SAMTOR: variants seen among roughly 807,000 people sequenced by gnomAD.
SAMTOR encodes UPF0532 protein C7orf60.
chr7:112,879,823 A>T, the SAMTOR span, among the ~76,000 whole-genome samples: 1 of 152,304 alleles, frequency 6.6e-6, no homozygotes, highest in South Asian at 2.1e-4. Context: ...TTTTAGCTTA[A>T]AACTCATTTG....
chr7:112,878,580 AAC>A, the SAMTOR span, among the ~76,000 whole-genome samples: 1 of 152,288 alleles, frequency 6.6e-6, no homozygotes, highest in East Asian at 1.9e-4. Flanking sequence ...TCTAAGGACA[AAC>A]AGGAAATTAT....
chr7:112,849,453 G>A, the SAMTOR span, among the ~76,000 whole-genome samples: 2 of 152,184 alleles, frequency 1.3e-5, no homozygotes, highest in Non-Finnish European at 2.9e-5. Context: ...TCCATGAAAT[G>A]AGGGGGTAGA....
chr7:112,851,686 C>T, the SAMTOR span, among the ~76,000 whole-genome samples: 368 of 152,154 alleles, frequency 2.4e-3, 1 homozygote, highest in Middle Eastern at 0.017. Context: ...TTCTGCACAG[C>T]AAAAGAAGTA....
At chr7:112,875,808 C>T in the SAMTOR span, among the ~76,000 whole-genome samples, 87 of 152,312 alleles carry the variant, frequency 5.7e-4, no homozygotes, top group East Asian at 9.1e-3. Flanking sequence ...TGAACTGTTA[C>T]GTTCACTGTG....
At chr7:112,875,110 G>C in the SAMTOR span, among the ~76,000 whole-genome samples, 1 of 152,156 alleles carries the variant, frequency 6.6e-6, no homozygotes, top group Non-Finnish European at 1.5e-5. Context: ...TCACCTGACT[G>C]CAAGATCCAA....
the SAMTOR span, among the ~76,000 whole-genome samples, chr7:112,937,611 G>A: frequency 6.6e-6 from 1 of 151,286 alleles, no homozygotes; most frequent in African/African-American, 2.4e-5. Context: ...ATGCTCATTA[G>A]GATCACTTAT....
the SAMTOR span, among the ~76,000 whole-genome samples, chr7:112,842,018 T>A: frequency 6.6e-6 from 1 of 152,058 alleles, no homozygotes; most frequent in Non-Finnish European, 1.5e-5. Context: ...ATACAAAGCC[T>A]TTATAGGTCT....
chr7:112,882,958 A>G, the SAMTOR span, among the ~76,000 whole-genome samples: 1 of 152,314 alleles, frequency 6.6e-6, no homozygotes, highest in African/African-American at 2.4e-5. Context: ...AGGATATTAA[A>G]AAATCACGTT....
the SAMTOR span, among the ~76,000 whole-genome samples, chr7:112,833,392 AT>A: frequency 6.6e-6 from 1 of 152,230 alleles, no homozygotes; most frequent in Non-Finnish European, 1.5e-5. Context: ...TACGGGGATA[AT>A]AGTGGTATTT....
At chr7:112,939,785 C>T in the SAMTOR span, 4 of 1,520,632 alleles carry the variant, frequency 2.6e-6, no homozygotes, top group Non-Finnish European at 2.7e-6. Context: ...GCCCCTCAGG[C>T]CCCCGCAGAC....
chr7:112,893,476 T>C, the SAMTOR span, among the ~76,000 whole-genome samples: 7 of 152,278 alleles, frequency 4.6e-5, no homozygotes, highest in South Asian at 2.1e-4. Context: ...TAGCCTTCAA[T>C]TGAAGAGAGT....
the SAMTOR span, among the ~76,000 whole-genome samples, chr7:112,848,709 T>C: frequency 6.6e-6 from 1 of 152,230 alleles, no homozygotes; most frequent in East Asian, 1.9e-4. Context: ...CAATCAGGTA[T>C]GGACTTTCCA....
the SAMTOR span, among the ~76,000 whole-genome samples, chr7:112,921,436 A>T: frequency 3.3e-5 from 5 of 151,722 alleles, no homozygotes; most frequent in East Asian, 9.7e-4. Flanking sequence ...CACCTTATAC[A>T]AAAATTAATT....
At chr7:112,909,405 A>C in the SAMTOR span, among the ~76,000 whole-genome samples, 3 of 152,224 alleles carry the variant, frequency 2.0e-5, no homozygotes, top group Non-Finnish European at 2.9e-5. Context: ...ATAAGGTTTG[A>C]CTTTTGAACC....
chr7:112,902,440 AAAAAAAAAC>A, the SAMTOR span, among the ~76,000 whole-genome samples: 2 of 75,818 alleles, frequency 2.6e-5, no homozygotes, highest in African/African-American at 1.6e-4. Context: ...AAAAAAAAAC[AAAAAAAAAC>A]AAAAAAAAAA....
At chr7:112,879,109 G>C in the SAMTOR span, among the ~76,000 whole-genome samples, 1 of 151,470 alleles carries the variant, frequency 6.6e-6, no homozygotes, top group Non-Finnish European at 1.5e-5. Flanking sequence ...GAGTGGTTCA[G>C]GAGGTAGGAA....
the SAMTOR span, among the ~76,000 whole-genome samples, chr7:112,914,754 T>G: frequency 6.6e-6 from 1 of 152,168 alleles, no homozygotes; most frequent in African/African-American, 2.4e-5. Flanking sequence ...ATTAAATGCA[T>G]TTAAAGCCAT....
the SAMTOR span, among the ~76,000 whole-genome samples, chr7:112,863,272 A>G: frequency 3.1e-3 from 470 of 152,316 alleles, 6 homozygotes; most frequent in Middle Eastern, 0.017. Flanking sequence ...TAAGCCATAC[A>G]CAAAAATAAA....
the SAMTOR span, among the ~76,000 whole-genome samples, chr7:112,844,051 A>G: frequency 1.3e-5 from 2 of 152,160 alleles, no homozygotes; most frequent in Non-Finnish European, 2.9e-5. Flanking sequence ...CAATAGGTGC[A>G]GAAAAGGCTT....
Sources: allele counts gnomAD v4.1 joint callset (sites outside exome capture counted in the v4.1 genomes callset), GRCh38; gene constraint gnomAD v4.1.1; transcripts MANE v1.5; gene names NCBI Gene and HGNC (gene_info 2026-07-23, HGNC 2026-07-21).